The following CCDC170 variants were observed in gnomAD, a reference collection of about 807,000 sequenced individuals.
CCDC170 encodes coiled-coil domain containing 170.
Under a neutral mutation model 72.6 loss-of-function variants are expected in CCDC170, and 69 were observed. That is an observed-to-expected ratio of 0.95 (90% CI 0.78 to 1.16). The LOEUF is 1.16. Among genes scored for constraint, CCDC170 ranks in the 50% most tolerant of loss-of-function variants. The pLI is 0.00. For missense variants in CCDC170, 852 were observed against 832.5 expected (o/e 1.02, Z -0.29); for synonymous variants, 300 against 303.9 (o/e 0.99, Z 0.13).
chr6:151,583,756 C>A (rs923748060), intron 6 of CCDC170, among the ~76,000 whole-genome samples: 3 of 152,190 alleles, frequency 2.0e-5, no homozygotes, highest in Admixed American at 2.0e-4. Context: ...CTATGCCCAG[C>A]CTGACTCTTC....
intron 5 of CCDC170, among the ~76,000 whole-genome samples, chr6:151,560,234 G>A (rs1005912752): frequency 2.0e-5 from 3 of 152,004 alleles, no homozygotes; most frequent in African/African-American, 7.2e-5. Context: ...TCATTAAGAA[G>A]CAGGTTGTTT....
chr6:151,586,304 G>A (rs1776450459), intron 7 of CCDC170, among the ~76,000 whole-genome samples: 1 of 151,960 alleles, frequency 6.6e-6, no homozygotes, highest in Admixed American at 6.6e-5. Context: ...CATATATGAG[G>A]TCCTAAAGGT....
intron 5 of CCDC170, among the ~76,000 whole-genome samples, chr6:151,549,112 A>T (rs1198446444): frequency 6.6e-6 from 1 of 152,012 alleles, no homozygotes; most frequent in Non-Finnish European, 1.5e-5. Context: ...TCACCGTGTT[A>T]GTCAGGATGG....
At chr6:151,584,421 T>A (rs1047580985) in intron 6 of CCDC170, among the ~76,000 whole-genome samples, 7 of 152,312 alleles carry the variant, frequency 4.6e-5, no homozygotes, top group Admixed American at 4.6e-4. Context: ...CATGATGAAT[T>A]CTTAATGCAG....
chr6:151,536,763 G>T (rs1479834300), intron 2 of CCDC170, among the ~76,000 whole-genome samples: 1 of 102,724 alleles, frequency 9.7e-6, no homozygotes, highest in African/African-American at 3.9e-5. Context: ...GACAGAGTGA[G>T]ACTCCATCTC....
chr6:151,586,003 ACT>A lies in CCDC170; in HGVS notation c.1210_1211del (p.Leu404SerfsTer24). On this transcript the variant is annotated frameshift_variant, in exon 7 of 11. Transcript: ENST00000239374. LOFTEE classifies it high-confidence loss of function. ...CCAGAAAGCAGAGAATATGTTGGAG[ACT>A]CTTCAGGGTCAGCTGACACACCTGG... Reference protein sequence around the residue: ...RAQKAENMLETLQGQLTHLEA... With the variant: ...RAQKAENMLEXLQGQLTHLEA... The A allele has an allele frequency of 3.1e-6, 5 of 1,614,000 alleles. No individual in the cohort carries two copies. The highest frequency in any genetic ancestry group is 3.4e-6 in the Non-Finnish European group (4 of 1,180,002).
chr6:151,515,538 C>G (rs1562268261), intron 1 of CCDC170, among the ~76,000 whole-genome samples: 1 of 152,190 alleles, frequency 6.6e-6, no homozygotes, highest in African/African-American at 2.4e-5. Context: ...CTGCCTTGGC[C>G]TCCCAAAGTG....
intron 1 of CCDC170, among the ~76,000 whole-genome samples, chr6:151,522,755 G>A (rs1199235934): frequency 6.6e-6 from 1 of 152,180 alleles, no homozygotes; most frequent in Non-Finnish European, 1.5e-5. Flanking sequence ...ATATTCGAGT[G>A]CTATTCCTTT....
chr6:151,578,257 C>A (rs12205290), intron 6 of CCDC170, among the ~76,000 whole-genome samples: 68,088 of 151,968 alleles, frequency 0.45, 18,006 homozygotes, highest in Non-Finnish European at 0.6. Flanking sequence ...CGCAACTGGG[C>A]GGCTTAAATA....
chr6:151,593,775 G>C (rs55900390), intron 8 of CCDC170, among the ~76,000 whole-genome samples: 3,658 of 151,310 alleles, frequency 0.024, 149 homozygotes, highest in African/African-American at 0.083. Flanking sequence ...ACAAGCAGAG[G>C]CATCTTTAAA....
intron 1 of CCDC170, among the ~76,000 whole-genome samples, chr6:151,531,709 T>A (rs1782493166): frequency 6.6e-6 from 1 of 152,184 alleles, no homozygotes; most frequent in South Asian, 2.1e-4. Flanking sequence ...GGAAAGAGGT[T>A]TATTTGACTC....
At chr6:151,572,413 G>A (rs1478897806) in intron 5 of CCDC170, among the ~76,000 whole-genome samples, 1 of 152,086 alleles carries the variant, frequency 6.6e-6, no homozygotes, top group African/African-American at 2.4e-5. Context: ...ATAATTGTTA[G>A]TGCCTAGCTA....
At chr6:151,523,992 G>A (rs1483112254) in intron 1 of CCDC170, among the ~76,000 whole-genome samples, 1 of 152,192 alleles carries the variant, frequency 6.6e-6, no homozygotes, top group East Asian at 1.9e-4. Context: ...CTCACTGCAG[G>A]GGAGAGGGGA....
At chr6:151,564,660 C>T (rs911219534) in intron 5 of CCDC170, among the ~76,000 whole-genome samples, 1 of 152,236 alleles carries the variant, frequency 6.6e-6, no homozygotes, top group African/African-American at 2.4e-5. Flanking sequence ...AGGTGGGTGC[C>T]ATCTGTGGTG....
chr6:151,525,091 C>T (rs1554220557), intron 1 of CCDC170, among the ~76,000 whole-genome samples: 1 of 152,058 alleles, frequency 6.6e-6, no homozygotes, highest in Non-Finnish European at 1.5e-5. Context: ...CGCCACTGCA[C>T]CCAGCTAATT....
At chr6:151,592,472 C>A (rs1472386980) in intron 7 of CCDC170, among the ~76,000 whole-genome samples, 1 of 152,132 alleles carries the variant, frequency 6.6e-6, no homozygotes, top group Non-Finnish European at 1.5e-5. Flanking sequence ...TGGGAGGCCT[C>A]ACAATCATGG....
At chr6:151,525,782 T>C (rs1737860443) in intron 1 of CCDC170, among the ~76,000 whole-genome samples, 1 of 152,228 alleles carries the variant, frequency 6.6e-6, no homozygotes, top group Non-Finnish European at 1.5e-5. Context: ...GTTAACTAAT[T>C]CATGTATTGA....
rs184866862 is a variant in CCDC170 at position 151,515,803 on chromosome 6, C to T, written c.58-20515C>T. On this transcript the variant is annotated intron_variant, in intron 1 of 10. Coordinates refer to ENST00000239374, the MANE Select transcript of CCDC170 (RefSeq NM_025059.4). Reference sequence around the variant, plus strand: ...ACAAAGAAAGTGTGGCGCAGTGGCTCATGCCTATAATCTCAACTCTTTGGA... The same window carrying T: ...ACAAAGAAAGTGTGGCGCAGTGGCTTATGCCTATAATCTCAACTCTTTGGA... 2.3e-3 allele frequency among the ~76,000 whole-genome samples: 350 copies of T among 152,272 alleles called. 1 individual carries two copies. The highest frequency in any genetic ancestry group is 7.5e-3 in the African/African-American group (311 of 41,560).
chr6:151,517,632 CG>C (rs1194266003), intron 1 of CCDC170, among the ~76,000 whole-genome samples: 1 of 151,552 alleles, frequency 6.6e-6, no homozygotes, highest in Non-Finnish European at 1.5e-5. Flanking sequence ...TTAGTAGAGA[CG>C]GGGTTTCACC....
Sources: gnomAD v4.1 joint callset for allele counts (sites outside exome capture counted in the v4.1 genomes callset) on GRCh38, gnomAD v4.1.1 for gene constraint, MANE v1.5 for transcripts, NCBI Gene and HGNC (gene_info 2026-07-23, HGNC 2026-07-21) for gene names.